AFF3: variants seen among roughly 807,000 people sequenced by gnomAD.
AFF3 encodes the protein AF4/FMR2 family member 3.
A neutral mutation model predicts 129.7 loss-of-function variants in AFF3; 32 were observed. The observed-to-expected ratio is 0.25, with a 90% CI of 0.19 to 0.33. AFF3 has a LOEUF of 0.33. Ranked by LOEUF, AFF3 falls within the 10% of genes least tolerant of loss-of-function variation. The pLI is 1.00. For synonymous variants in AFF3, 644 were observed against 635.4 expected (o/e 1.01, Z -0.20); for missense variants, 1,373 against 1,592.0 (o/e 0.86, Z 2.34).
intron 10 of AFF3, among the ~76,000 whole-genome samples, chr2:99,733,856 C>T (rs919132719): frequency 6.6e-6 from 1 of 152,126 alleles, no homozygotes; most frequent in East Asian, 1.9e-4. Flanking sequence ...TAAAAATATT[C>T]GTAAGGCAAA....
At chr2:100,104,825 G>GCCGCC (rs1559128123) in intron 3 of AFF3, 2 of 453,608 alleles carry the variant, frequency 4.4e-6, no homozygotes, top group African/African-American at 5.5e-5. Context: ...CCGCCGCCGC[G>GCCGCC]GTGCTCTGCG....
chr2:99,957,522 C>A (rs913183441), intron 7 of AFF3, among the ~76,000 whole-genome samples: 2 of 152,172 alleles, frequency 1.3e-5, no homozygotes, highest in Middle Eastern at 3.4e-3. Flanking sequence ...CAAAATGACA[C>A]GGTGCAGTCA....
chr2:100,127,199 C>T (rs1692230511), intron 2 of AFF3, among the ~76,000 whole-genome samples: 1 of 152,188 alleles, frequency 6.6e-6, no homozygotes, highest in South Asian at 2.1e-4. Flanking sequence ...GTGTCCATGA[C>T]TCAGCGGTTT....
At chr2:100,001,981 C>T (rs1681462615) in intron 7 of AFF3, among the ~76,000 whole-genome samples, 2 of 152,230 alleles carry the variant, frequency 1.3e-5, no homozygotes, top group African/African-American at 4.8e-5. Context: ...CAGAGCGTAA[C>T]CATCCGTGCT....
At chr2:100,033,030 G>A (rs1684633840) in intron 4 of AFF3, among the ~76,000 whole-genome samples, 1 of 152,018 alleles carries the variant, frequency 6.6e-6, no homozygotes, top group Admixed American at 6.6e-5. Context: ...ACATGTTTTG[G>A]AATCAGCTTG....
At chr2:100,008,393 A>T (rs979023271) in intron 5 of AFF3, among the ~76,000 whole-genome samples, 7 of 152,236 alleles carry the variant, frequency 4.6e-5, no homozygotes, top group Non-Finnish European at 1.0e-4. Context: ...TTTCTTTCTC[A>T]TTAGCCCTAA....
chr2:99,993,124 T>C (rs1409981612), intron 7 of AFF3, among the ~76,000 whole-genome samples: 1 of 152,238 alleles, frequency 6.6e-6, no homozygotes, highest in Non-Finnish European at 1.5e-5. Context: ...AGAGCAGAAC[T>C]AGCACACTGC....
At chr2:99,863,213 G>C (rs1691131252) in intron 7 of AFF3, among the ~76,000 whole-genome samples, 1 of 152,194 alleles carries the variant, frequency 6.6e-6, no homozygotes. Context: ...TTTGCCAACA[G>C]CTTCTGCATT....
chr2:99,634,183 C>T (rs1558674321), intron 13 of AFF3, among the ~76,000 whole-genome samples: 1 of 152,228 alleles, frequency 6.6e-6, no homozygotes, highest in Non-Finnish European at 1.5e-5. Flanking sequence ...GCTGGGATTA[C>T]AGGCGTGAGC....
intron 7 of AFF3, among the ~76,000 whole-genome samples, chr2:99,957,978 G>GT (rs1676826936): frequency 1.3e-5 from 2 of 152,078 alleles, no homozygotes; most frequent in African/African-American, 4.8e-5. Context: ...AAACGGGATG[G>GT]TTTTCAAACT....
At chr2:100,061,813 T>C (rs1408131027) in intron 4 of AFF3, among the ~76,000 whole-genome samples, 1 of 146,758 alleles carries the variant, frequency 6.8e-6, no homozygotes, top group Non-Finnish European at 1.5e-5. Context: ...AGAGCTGTGC[T>C]GTGATCCCCT....
At chr2:100,019,346 G>A (rs1683398367) in intron 4 of AFF3, among the ~76,000 whole-genome samples, 1 of 152,204 alleles carries the variant, frequency 6.6e-6, no homozygotes, top group African/African-American at 2.4e-5. Context: ...CAACTTACCT[G>A]TGAGGTAGAG....
chr2:100,020,488 G>A (rs1315712032), intron 4 of AFF3, among the ~76,000 whole-genome samples: 1 of 152,000 alleles, frequency 6.6e-6, no homozygotes, highest in African/African-American at 2.4e-5. Flanking sequence ...TCCCTATGTG[G>A]CCTTCTCAAG....
intron 11 of AFF3, among the ~76,000 whole-genome samples, chr2:99,674,741 G>T (rs1045544656): frequency 2.0e-5 from 3 of 152,130 alleles, no homozygotes; most frequent in African/African-American, 7.2e-5. Flanking sequence ...GCGTGGATTG[G>T]AAGGCCATCA....
At chr2:99,822,289 G>T (rs951927189) in intron 8 of AFF3, among the ~76,000 whole-genome samples, 1 of 122,970 alleles carries the variant, frequency 8.1e-6, no homozygotes, top group Admixed American at 9.5e-5. Flanking sequence ...GTGGGAAGAT[G>T]AGTTTTCCCA....
intron 7 of AFF3, among the ~76,000 whole-genome samples, chr2:99,896,403 C>T (rs1274648344): frequency 6.6e-6 from 1 of 152,012 alleles, no homozygotes; most frequent in East Asian, 1.9e-4. Context: ...CACTCCCATG[C>T]TGCAGCCACC....
At chr2:99,669,549 A>G (rs1460404041) in intron 12 of AFF3, among the ~76,000 whole-genome samples, 1 of 152,252 alleles carries the variant, frequency 6.6e-6, no homozygotes, top group Non-Finnish European at 1.5e-5. Flanking sequence ...GAAAGTGGTT[A>G]TTCTTCTGCA....
chr2:99,942,774 G>A (rs62147657), intron 7 of AFF3, among the ~76,000 whole-genome samples: 136 of 152,138 alleles, frequency 8.9e-4, no homozygotes, highest in Admixed American at 1.7e-3. Flanking sequence ...CTCCTCTCTA[G>A]AGCCAGGGGA....
chr2:100,127,062 A>G (rs746383068), intron 2 of AFF3, among the ~76,000 whole-genome samples: 1 of 152,102 alleles, frequency 6.6e-6, no homozygotes, highest in Admixed American at 6.5e-5. Flanking sequence ...GCATCATTCC[A>G]TCCTCTCTGG....
Sources: gnomAD v4.1 joint callset for allele counts (sites outside exome capture counted in the v4.1 genomes callset) on GRCh38, gnomAD v4.1.1 for gene constraint, MANE v1.5 for transcripts, NCBI Gene and HGNC (gene_info 2026-07-23, HGNC 2026-07-21) for gene names.